The following GK5 variants were observed in gnomAD, a reference collection of about 807,000 sequenced individuals.
GK5 encodes glycerol kinase 5.
Under a neutral mutation model 77.3 loss-of-function variants are expected in GK5, and 39 were observed. The observed-to-expected ratio is 0.50, with a 90% confidence interval of 0.39 to 0.66. GK5 has a LOEUF of 0.66. Among genes scored for constraint, GK5 ranks in the 30% least tolerant of loss-of-function variants. The pLI is 0.00. For synonymous variants in GK5, 211 were observed against 208.0 expected (o/e 1.01, Z -0.13); for missense variants, 487 against 633.8 (o/e 0.77, Z 2.49).
intron 3 of GK5, among the ~76,000 whole-genome samples, chr3:142,209,655 A>T (rs1381414421): frequency 6.6e-6 from 1 of 152,260 alleles, no homozygotes; most frequent in Non-Finnish European, 1.5e-5. Context: ...GGTAAGACTC[A>T]TTAATGTAAG....
intron 1 of GK5, among the ~76,000 whole-genome samples, chr3:142,223,089 A>G (rs1361649641): frequency 6.6e-6 from 1 of 152,126 alleles, no homozygotes; most frequent in African/African-American, 2.4e-5. Flanking sequence ...CATTTTCCAC[A>G]GTTTAGAGTC....
chr3:142,185,903 G>A (rs2063763651), intron 9 of GK5, 26 bp downstream of exon 9: 2 of 1,586,984 alleles, frequency 1.3e-6, no homozygotes, highest in African/African-American at 1.4e-5. Context: ...ACTATACAAA[G>A]GGAATCCCTC....
chr3:142,220,115 G>A (rs1347607031), intron 1 of GK5, among the ~76,000 whole-genome samples: 1 of 152,210 alleles, frequency 6.6e-6, no homozygotes, highest in African/African-American at 2.4e-5. Flanking sequence ...AAAGAGAAGA[G>A]CAAATAGGAT....
At chr3:142,186,106 C>A in intron 8 of GK5, 88 bp downstream of exon 8, 2 of 1,159,390 alleles carry the variant, frequency 1.7e-6, no homozygotes, top group South Asian at 2.6e-5. Flanking sequence ...ACAAGTCCTT[C>A]AAACATGTAA....
At chr3:142,198,312 T>C (rs558430127) in intron 5 of GK5, among the ~76,000 whole-genome samples, 1 of 152,226 alleles carries the variant, frequency 6.6e-6, no homozygotes, top group South Asian at 2.1e-4. Context: ...AGAATTCCAC[T>C]GATATAAATC....
At chr3:142,182,878 G>C in intron 10 of GK5, 45 bp downstream of exon 10, 1 of 1,390,512 alleles carries the variant, frequency 7.2e-7, no homozygotes, top group Non-Finnish European at 1.0e-6. Flanking sequence ...AATATGAACA[G>C]AAGTGATATT....
chr3:142,163,903 G>A lies in GK5; in HGVS notation c.*1719C>T, dbSNP rs1257380335. 6.6e-6 allele frequency: 1 copy of A among 152,074 alleles called. No homozygotes were observed. Among genetic ancestry groups the A allele is most frequent in the Non-Finnish European group, 1.5e-5 (1 of 68,014 alleles). 9.4% of individuals were successfully genotyped at this position (152,074 alleles called of 1,614,324 possible). A position where few individuals can be genotyped will look rare whatever the true frequency, so the allele number is the denominator to read the frequency against. ...TGTGTAACAGTAAAACAACAGAGCAGCTTCCATGTGATTTTGATAGGAAAG... is the reference window on the plus strand; with the variant it reads ...TGTGTAACAGTAAAACAACAGAGCAACTTCCATGTGATTTTGATAGGAAAG... On this transcript the variant is annotated 3_prime_UTR_variant, in exon 16 of 16. Transcript: ENST00000392993.
chr3:142,185,641 T>C, intron 9 of GK5: 1 of 1,196,968 alleles, frequency 8.4e-7, no homozygotes, highest in Non-Finnish European at 1.0e-6. Context: ...CCACTCAGAA[T>C]TAAAAAAAAT....
chr3:142,203,841 T>C (rs1478831445), intron 4 of GK5, among the ~76,000 whole-genome samples: 2 of 152,094 alleles, frequency 1.3e-5, no homozygotes, highest in Non-Finnish European at 2.9e-5. Context: ...ATACTGTAGG[T>C]CTGACACCAC....
chr3:142,171,412 T>A lies in GK5; in HGVS notation c.1307+7A>T. 1 of 1,480,464 alleles carries A rather than the reference T, an allele frequency of 6.8e-7. No individual in the cohort carries two copies. The allele number at this position is 1,480,464 out of a possible 1,614,324, so 91.7% of individuals were successfully genotyped here. A position where few individuals can be genotyped will look rare whatever the true frequency, so the allele number is the denominator to read the frequency against. The stretch of plus-strand genomic sequence containing the variant: ...AATTAAGTCTATTAGAAATAAACTT[T>A]ACATACCGGATTTTTCTTACAGGAA... On this transcript the variant is annotated splice_region_variant and intron_variant, in intron 14 of 15. Transcript: ENST00000392993.
intron 11 of GK5, among the ~76,000 whole-genome samples, chr3:142,180,870 T>C (rs769083200): frequency 6.6e-6 from 1 of 152,156 alleles, no homozygotes; most frequent in Non-Finnish European, 1.5e-5. Context: ...CTAGTCTCAC[T>C]CTTGAGCAGC....
At chr3:142,186,819 C>T (rs953160958) in intron 6 of GK5, among the ~76,000 whole-genome samples, 1 of 151,722 alleles carries the variant, frequency 6.6e-6, no homozygotes, top group Non-Finnish European at 1.5e-5. Context: ...TTAGTAGAGA[C>T]GGGGTTTCTC....
chr3:142,180,033 TCA>T (rs1317996064), intron 11 of GK5, among the ~76,000 whole-genome samples: 1 of 152,208 alleles, frequency 6.6e-6, no homozygotes, highest in Non-Finnish European at 1.5e-5. Flanking sequence ...GGAGAGATTC[TCA>T]TTTTTTGTTT....
chr3:142,160,422 G>C lies in GK5; in HGVS notation c.*5200C>G, dbSNP rs1034644445. On this transcript the variant is annotated 3_prime_UTR_variant, in exon 16 of 16. Transcript: ENST00000392993. The stretch of plus-strand genomic sequence containing the variant: ...AATAACTTAAAGTCAAAGAACTCCA[G>C]GGTATATCTACATCTCTCCTCAAAT... 1 of 152,192 alleles carries C rather than the reference G, an allele frequency of 6.6e-6. No homozygotes were observed. The highest frequency in any genetic ancestry group is 1.5e-5 in the Non-Finnish European group (1 of 68,042). The allele number at this position is 152,192 out of a possible 1,614,324, so 9.4% of individuals were successfully genotyped here. A position where few individuals can be genotyped will look rare whatever the true frequency, so the allele number is the denominator to read the frequency against.
At chr3:142,203,170 C>A (rs772521605) in intron 4 of GK5, among the ~76,000 whole-genome samples, 10 of 152,034 alleles carry the variant, frequency 6.6e-5, no homozygotes, top group Non-Finnish European at 1.2e-4. Context: ...TTCCTTATAA[C>A]CACTTTTACT....
intron 11 of GK5, among the ~76,000 whole-genome samples, 189 bp downstream of exon 11, chr3:142,181,272 C>T (rs764965030): frequency 2.0e-5 from 3 of 152,126 alleles, no homozygotes; most frequent in Admixed American, 6.5e-5. Context: ...CTTTATGGTT[C>T]CTGTCTTTAA....
At chr3:142,185,003 C>T in intron 9 of GK5, 1 of 985,496 alleles carries the variant, frequency 1.0e-6, no homozygotes, top group Non-Finnish European at 1.2e-6. Flanking sequence ...ATTAAATTCC[C>T]TTTCCCTCAG....
At chr3:142,206,682 C>T (rs1472675138) in intron 3 of GK5, among the ~76,000 whole-genome samples, 2 of 152,178 alleles carry the variant, frequency 1.3e-5, no homozygotes, top group Non-Finnish European at 2.9e-5. Context: ...ATGTTACATG[C>T]TTCGAGGTTA....
rs569407814 is a variant in GK5, at chr3:142,186,623, G to A, written c.620-110C>T. On this transcript the variant is annotated intron_variant, in intron 6 of 15. Transcript: ENST00000392993. ...TACCCTCAAATTCATTCCAAAATGTGTATTTTCTTTTTTTTTTTTTTTTTT... is the reference window on the plus strand; with the variant it reads ...TACCCTCAAATTCATTCCAAAATGTATATTTTCTTTTTTTTTTTTTTTTTT... The A allele has an allele frequency of 2.5e-4, 91 of 358,482 alleles. 2 individuals carry two copies. In the East Asian group the frequency reaches 4.5e-3, roughly 18 times the overall value. The allele number at this position is 358,482 out of a possible 1,614,324, so 22.2% of individuals were successfully genotyped here.
Sources: allele counts gnomAD v4.1 joint callset (sites outside exome capture counted in the v4.1 genomes callset), GRCh38; gene constraint gnomAD v4.1.1; transcripts MANE v1.5; gene names NCBI Gene and HGNC (gene_info 2026-07-23, HGNC 2026-07-21).